The following SMURF2 variants were observed in gnomAD, a reference collection of about 807,000 sequenced individuals.
The protein encoded by SMURF2 is SMAD specific E3 ubiquitin protein ligase 2.
A neutral mutation model predicts 109.6 loss-of-function variants in SMURF2; 48 were observed. That is an observed-to-expected ratio of 0.44 (90% confidence interval 0.35 to 0.56). The LOEUF is 0.56. Ranked by LOEUF, SMURF2 falls within the 20% of genes least tolerant of loss-of-function variation. The pLI is 0.01. For synonymous variants in SMURF2, 288 were observed against 317.1 expected (o/e 0.91, Z 0.97); for missense variants, 575 against 909.0 (o/e 0.63, Z 4.72).
At chr17:64,619,032 T>C (rs1555690349) in intron 1 of SMURF2, among the ~76,000 whole-genome samples, 1 of 152,138 alleles carries the variant, frequency 6.6e-6, no homozygotes, top group Non-Finnish European at 1.5e-5. Context: ...AAGAGCCACC[T>C]CATGGTGTTG....
intron 1 of SMURF2, among the ~76,000 whole-genome samples, chr17:64,634,487 C>T (rs1413992516): frequency 1.3e-5 from 2 of 152,210 alleles, no homozygotes; most frequent in Non-Finnish European, 2.9e-5. Flanking sequence ...ATACCTGGCA[C>T]CTTCAATTCC....
chr17:64,610,714 A>G (rs1970032270), intron 1 of SMURF2, among the ~76,000 whole-genome samples: 1 of 152,148 alleles, frequency 6.6e-6, no homozygotes. Context: ...ATGTAACAAA[A>G]CTGCACGTTC....
chr17:64,542,839 C>T lies in SMURF2; in HGVS notation c.*3009G>A, dbSNP rs1555682726. ...AAAAAGGCTTGGTAAAAAACCCATT[C>T]GGGGCAACAAACTATGTGCAAAACA... is the stretch of plus-strand genomic sequence containing the variant. On this transcript the variant is annotated 3_prime_UTR_variant, in exon 19 of 19. Transcript: ENST00000262435. The T allele has an allele frequency of 6.6e-6, 1 of 152,166 alleles. No individual in the cohort carries two copies. Among genetic ancestry groups the T allele is most frequent in the East Asian group, 1.9e-4 (1 of 5,198 alleles). 9.4% of individuals were successfully genotyped at this position (152,166 alleles called of 1,614,324 possible). A position where few individuals can be genotyped will look rare whatever the true frequency, so the allele number is the denominator to read the frequency against.
At chr17:64,634,003 A>G (rs1555691854) in intron 1 of SMURF2, among the ~76,000 whole-genome samples, 1 of 152,012 alleles carries the variant, frequency 6.6e-6, no homozygotes, top group African/African-American at 2.4e-5. Context: ...AAAATACAAA[A>G]ATTAGCCAGG....
intron 1 of SMURF2, chr17:64,660,928 C>T (rs1279552579): frequency 6.6e-6 from 1 of 152,068 alleles, no homozygotes; most frequent in Non-Finnish European, 1.5e-5. Flanking sequence ...TTTCATGCAC[C>T]TGGAATCATA....
intron 2 of SMURF2, among the ~76,000 whole-genome samples, chr17:64,601,854 A>ATG (rs1327050328): frequency 2.0e-5 from 3 of 149,536 alleles, no homozygotes; most frequent in Admixed American, 6.7e-5. Context: ...GTGTGTGTAT[A>ATG]TGTGTGTGTG....
Position 64,574,252 on chromosome 17 carries a change from G to A in SMURF2, c.858-2296C>T, listed in dbSNP as rs577950855. ...ATACACGGGAGAGTGCTAAAGCACT[G>A]ATTAAAAGAGCAAAACACTAGAAAT... is the stretch of plus-strand genomic sequence containing the variant. On this transcript the variant is annotated intron_variant, in intron 9 of 18. Coordinates refer to ENST00000262435, the MANE Select transcript of SMURF2 (RefSeq NM_022739.4). Among the ~76,000 whole-genome samples, 3 of 152,286 alleles carry A rather than the reference G, an allele frequency of 2.0e-5. No individual in the cohort carries two copies. The East Asian group carries it at 5.8e-4, about 29-fold the overall frequency.
chr17:64,637,017 C>G (rs542892014), intron 1 of SMURF2, among the ~76,000 whole-genome samples: 1 of 151,880 alleles, frequency 6.6e-6, no homozygotes, highest in South Asian at 2.1e-4. Flanking sequence ...CCCAGGAGTT[C>G]GAGACCAGTC....
chr17:64,605,542 G>C (rs1260649224), intron 2 of SMURF2, among the ~76,000 whole-genome samples: 1 of 151,258 alleles, frequency 6.6e-6, no homozygotes, highest in Non-Finnish European at 1.5e-5. Flanking sequence ...GGGCAACATA[G>C]CAAGATCCTG....
At chr17:64,660,395 G>A (rs1173489228) in intron 1 of SMURF2, among the ~76,000 whole-genome samples, 1 of 152,172 alleles carries the variant, frequency 6.6e-6, no homozygotes, top group East Asian at 1.9e-4. Context: ...CTGAATGAGG[G>A]GGGAGGGGGT....
intron 1 of SMURF2, among the ~76,000 whole-genome samples, chr17:64,626,467 T>C (rs1463431481): frequency 6.6e-6 from 1 of 151,974 alleles, no homozygotes; most frequent in Non-Finnish European, 1.5e-5. Context: ...GATTCTGTTT[T>C]AAAAACTTAC....
Position 64,542,585 on chromosome 17 carries a change from CATGTT to C in SMURF2, c.*3258_*3262del, listed in dbSNP as rs1555682685. 6.6e-6 allele frequency: 1 copy of C among 152,056 alleles called. No homozygotes were observed. 9.4% of individuals were successfully genotyped at this position (152,056 alleles called of 1,614,324 possible). A position where few individuals can be genotyped will look rare whatever the true frequency, so the allele number is the denominator to read the frequency against. ...TCAGCATTTGGAACAATCATCCTAA[CATGTT>C]AAATACCACAAATGGCACCCGTTGA... On this transcript the variant is annotated 3_prime_UTR_variant, in exon 19 of 19. Transcript: ENST00000262435.
chr17:64,568,122 G>A (rs1969342010), intron 10 of SMURF2, among the ~76,000 whole-genome samples: 1 of 152,048 alleles, frequency 6.6e-6, no homozygotes, highest in South Asian at 2.1e-4. Context: ...CCAAAGTGGT[G>A]GGATTACAGG....
At chr17:64,632,568 T>C (rs186701864) in intron 1 of SMURF2, among the ~76,000 whole-genome samples, 1 of 152,318 alleles carries the variant, frequency 6.6e-6, no homozygotes, top group Non-Finnish European at 1.5e-5. Flanking sequence ...AAACACATAG[T>C]CAGCCTATTT....
At chr17:64,646,497 C>T (rs1239969569) in intron 1 of SMURF2, among the ~76,000 whole-genome samples, 1 of 151,760 alleles carries the variant, frequency 6.6e-6, no homozygotes, top group African/African-American at 2.4e-5. Context: ...CATCCTCCCA[C>T]CTCAGCCTCC....
At chr17:64,646,685 T>A (rs1970564141) in intron 1 of SMURF2, among the ~76,000 whole-genome samples, 1 of 152,164 alleles carries the variant, frequency 6.6e-6, no homozygotes, top group South Asian at 2.1e-4. Context: ...CCTGGCCCTA[T>A]AAAAATTATT....
At position 64,587,414 on chromosome 17, in the gene SMURF2, G is replaced by A. The variant is rs75559233; in HGVS notation, c.401-1244C>T. On this transcript the variant is annotated intron_variant, in intron 5 of 18. Transcript: ENST00000262435. ...ACAAAACACTTAATATACTTAAGGT[G>A]TAGATAATCCCTGTCTGAATAATGA... 4.2e-3 allele frequency among the ~76,000 whole-genome samples: 638 copies of A among 152,292 alleles called. 1 individual carries two copies. The highest frequency in any genetic ancestry group is 6.8e-3 in the Middle Eastern group (2 of 294).
intron 1 of SMURF2, among the ~76,000 whole-genome samples, chr17:64,641,609 G>C (rs1236718152): frequency 3.3e-5 from 5 of 152,142 alleles, no homozygotes; most frequent in Admixed American, 1.3e-4. Flanking sequence ...CCCTGAGTCA[G>C]TCATGTTAGC....
chr17:64,583,498 G>T lies in SMURF2; in HGVS notation c.532C>A (p.His178Asn). ...TASGRIQYLN[H>N]ITRTTQWERP... ...TCCCATTGCGTAGTTCTTGTTATAT[G>T]GTTTAGATACTGGATTCTTCCAGAG... Residue 178 changes from histidine to asparagine, a missense_variant, in exon 7 of 19, where the codon CAT becomes AAT. By Grantham distance (68) the His-to-Asn change is moderately conservative. Around this residue, in one of 5 missense-constraint regions of SMURF2, gnomAD observed 151 missense variants for 178.4 expected, o/e 0.85. Transcript: ENST00000262435. The T allele has an allele frequency of 6.2e-7, 1 of 1,613,976 alleles. No homozygotes were observed. Among genetic ancestry groups the T allele is most frequent in the East Asian group, 2.2e-5 (1 of 44,870 alleles).
Sources: gnomAD v4.1 joint callset for allele counts (sites outside exome capture counted in the v4.1 genomes callset) on GRCh38, gnomAD v4.1.1 for gene constraint, gnomAD v4.1.1 regional missense constraint, MANE v1.5 for transcripts, NCBI Gene and HGNC (gene_info 2026-07-23, HGNC 2026-07-21) for gene names.